Variants in ARHGAP20 observed in about 807,000 individuals in gnomAD.
ARHGAP20 encodes rho GTPase-activating protein 20.
ARHGAP20 carries 34 observed loss-of-function variants against 73.7 expected under a neutral mutation model. That is an observed-to-expected ratio of 0.46 (90% CI 0.35 to 0.61). The LOEUF is 0.61. Among genes scored for constraint, ARHGAP20 ranks in the 20% least tolerant of loss-of-function variants. The pLI is 0.00. For missense variants in ARHGAP20, 1,314 were observed against 1,420.9 expected, an observed-to-expected ratio of 0.92 and a Z score of 1.21; for synonymous variants, 523 against 518.2, an observed-to-expected ratio of 1.01 and a Z score of -0.13.
At chr11:110,710,871 GAACCTGCGT>G (rs1950636551) in intron 1 of ARHGAP20, among the ~76,000 whole-genome samples, 1 of 152,196 alleles carries the variant, frequency 6.6e-6, no homozygotes, top group South Asian at 2.1e-4. Flanking sequence ...GACAAGCAGG[GAACCTGCGT>G]AACCCCTTTA....
At chr11:110,606,450 A>G in intron 9 of ARHGAP20, 111 bp downstream of exon 9, 3 of 1,196,948 alleles carry the variant, frequency 2.5e-6, no homozygotes, top group Non-Finnish European at 2.3e-6. Context: ...TCCTTTTCAA[A>G]ATACTTAGCA....
chr11:110,619,843 T>C (rs1948591166), intron 4 of ARHGAP20, among the ~76,000 whole-genome samples: 1 of 152,132 alleles, frequency 6.6e-6, no homozygotes, highest in South Asian at 2.1e-4. Flanking sequence ...AGAGTATATG[T>C]AGTGATAGAG....
chr11:110,654,732 A>C (rs932077048), intron 2 of ARHGAP20, among the ~76,000 whole-genome samples: 1 of 152,210 alleles, frequency 6.6e-6, no homozygotes, highest in African/African-American at 2.4e-5. Flanking sequence ...GCAATGCTAT[A>C]AGGTCCTTCC....
chr11:110,696,730 C>A (rs146467024), intron 1 of ARHGAP20, among the ~76,000 whole-genome samples: 6 of 151,686 alleles, frequency 4.0e-5, no homozygotes, highest in African/African-American at 1.4e-4. Context: ...TTACCACCCA[C>A]CTCCCTTTTG....
chr11:110,608,338 A>G (rs1948282545), intron 8 of ARHGAP20, among the ~76,000 whole-genome samples: 1 of 152,192 alleles, frequency 6.6e-6, no homozygotes, highest in Non-Finnish European at 1.5e-5. Flanking sequence ...CTAATCAAGA[A>G]ATATTTTTTA....
chr11:110,642,938 T>C (rs986602918), intron 2 of ARHGAP20, among the ~76,000 whole-genome samples: 1 of 152,112 alleles, frequency 6.6e-6, no homozygotes, highest in Admixed American at 6.6e-5. Flanking sequence ...GGTAGGTTTT[T>C]TATTACTGCT....
chr11:110,687,831 A>G (rs993557664), intron 2 of ARHGAP20, among the ~76,000 whole-genome samples: 2 of 152,206 alleles, frequency 1.3e-5, no homozygotes, highest in Non-Finnish European at 2.9e-5. Flanking sequence ...TTAAGTAGTC[A>G]GATGCTTACA....
chr11:110,597,307 A>AAC (rs1947993449), intron 9 of ARHGAP20, among the ~76,000 whole-genome samples: 1 of 151,146 alleles, frequency 6.6e-6, no homozygotes, highest in Admixed American at 6.6e-5. Context: ...AAAAAAAAAA[A>AAC]CTGAAAAGGA....
At chr11:110,615,423 C>T (rs1948461919) in intron 5 of ARHGAP20, 130 bp downstream of exon 5, 1 of 745,158 alleles carries the variant, frequency 1.3e-6, no homozygotes, top group Non-Finnish European at 2.2e-6. Flanking sequence ...TAAACGGCAG[C>T]TTATTTAGAG....
At chr11:110,683,888 T>C (rs1235319965) in intron 2 of ARHGAP20, among the ~76,000 whole-genome samples, 1 of 152,096 alleles carries the variant, frequency 6.6e-6, no homozygotes, top group African/African-American at 2.4e-5. Context: ...GGTGAGGCTT[T>C]TGGAGGTGAT....
intron 2 of ARHGAP20, among the ~76,000 whole-genome samples, chr11:110,652,505 G>C (rs1681544293): frequency 6.6e-6 from 1 of 152,022 alleles, no homozygotes; most frequent in African/African-American, 2.4e-5. Context: ...CAGCCCTAAA[G>C]CTTCTTAGGC....
chr11:110,585,157 G>T (rs1947627515), intron 12 of ARHGAP20, among the ~76,000 whole-genome samples: 1 of 151,538 alleles, frequency 6.6e-6, no homozygotes, highest in South Asian at 2.1e-4. Context: ...ATATACATAT[G>T]ATTTCAACTT....
At chr11:110,677,201 C>A (rs959724281) in intron 2 of ARHGAP20, among the ~76,000 whole-genome samples, 4 of 152,106 alleles carry the variant, frequency 2.6e-5, no homozygotes, top group African/African-American at 9.7e-5. Flanking sequence ...ATACTAAGAA[C>A]AGAATTTGAC....
At chr11:110,610,625 C>T (rs1379713644) in intron 7 of ARHGAP20, among the ~76,000 whole-genome samples, 1 of 152,044 alleles carries the variant, frequency 6.6e-6, no homozygotes, top group Non-Finnish European at 1.5e-5. Context: ...CTTTCCTCTA[C>T]CTCATCCTCA....
At chr11:110,701,137 T>C (rs1281563999) in intron 1 of ARHGAP20, among the ~76,000 whole-genome samples, 3 of 151,948 alleles carry the variant, frequency 2.0e-5, no homozygotes, top group South Asian at 2.1e-4. Flanking sequence ...ATGGTATTTC[T>C]AGTTCTAGAT....
intron 7 of ARHGAP20, among the ~76,000 whole-genome samples, chr11:110,610,137 A>G (rs1485766026): frequency 6.6e-6 from 1 of 152,134 alleles, no homozygotes; most frequent in Non-Finnish European, 1.5e-5. Context: ...CTTCCAAAAT[A>G]TACTCATATA....
At chr11:110,681,972 G>A (rs1032148697) in intron 2 of ARHGAP20, among the ~76,000 whole-genome samples, 3 of 152,240 alleles carry the variant, frequency 2.0e-5, no homozygotes, top group Middle Eastern at 3.4e-3. Context: ...GGTTCAAACC[G>A]TCATTTCCCA....
intron 9 of ARHGAP20, among the ~76,000 whole-genome samples, chr11:110,595,341 G>C (rs1398530274): frequency 2.0e-5 from 3 of 152,174 alleles, no homozygotes; most frequent in Non-Finnish European, 4.4e-5. Context: ...TAGGAAAAGA[G>C]GAAGTCAAAT....
At chr11:110,711,675 G>T in intron 1 of ARHGAP20, 2 of 1,462,026 alleles carry the variant, frequency 1.4e-6, no homozygotes. Flanking sequence ...AGCGCCGGCT[G>T]CCGCTCCCGG....
Sources: allele counts gnomAD v4.1 joint callset (sites outside exome capture counted in the v4.1 genomes callset), GRCh38; gene constraint gnomAD v4.1.1; transcripts MANE v1.5; gene names NCBI Gene and HGNC (gene_info 2026-07-23, HGNC 2026-07-21).